The following GPR107 variants were observed in gnomAD, a reference collection of about 807,000 sequenced individuals.
GPR107 encodes protein GPR107.
GPR107 carries 31 observed loss-of-function variants against 75.5 expected under a neutral mutation model. The observed-to-expected ratio is 0.41, with a 90% CI of 0.31 to 0.55. GPR107 has a LOEUF of 0.55. Ranked by LOEUF, GPR107 falls within the 20% of genes least tolerant of loss-of-function variation. GPR107 has a pLI of 0.26. For synonymous variants in GPR107, 267 were observed against 251.3 expected (o/e 1.06, Z -0.59); for missense variants, 572 against 665.7 (o/e 0.86, Z 1.55).
At chr9:130,092,455 C>G (rs1830764369) in intron 9 of GPR107, 74 bp downstream of exon 9, 1 of 1,255,620 alleles carries the variant, frequency 8.0e-7, no homozygotes, top group Non-Finnish European at 1.2e-6. Context: ...GCTCCTGAAC[C>G]TGGAGGCAGT....
At chr9:130,085,770 T>TTTTTTTTTTTTTTTTTTTTTTC in intron 6 of GPR107, among the ~76,000 whole-genome samples, 2 of 147,552 alleles carry the variant, frequency 1.4e-5, no homozygotes, top group Non-Finnish European at 3.0e-5. Flanking sequence ...TTTTTTTTTT[T>TTTTTTTTTTTTTTTTTTTTTTC]TGCCGGGGGG....
At chr9:130,118,823 TCTC>T (rs1348629382) in intron 14 of GPR107, among the ~76,000 whole-genome samples, 1 of 152,128 alleles carries the variant, frequency 6.6e-6, no homozygotes, top group Non-Finnish European at 1.5e-5. Context: ...ATAAAGGAAT[TCTC>T]CTCCACATGA....
At chr9:130,124,744 G>A (rs186636084) in intron 14 of GPR107, among the ~76,000 whole-genome samples, 171 bp from the exon 15 acceptor site, 6 of 152,320 alleles carry the variant, frequency 3.9e-5, no homozygotes, top group African/African-American at 1.4e-4. Flanking sequence ...TTTTCCTGGT[G>A]ATTGGAGGAG....
intron 14 of GPR107, among the ~76,000 whole-genome samples, chr9:130,115,967 C>T (rs1831420451): frequency 6.6e-6 from 1 of 152,150 alleles, no homozygotes; most frequent in Non-Finnish European, 1.5e-5. Flanking sequence ...CACCAAAACT[C>T]TCTTGTCATT....
At chr9:130,122,949 G>A (rs190241057) in intron 14 of GPR107, among the ~76,000 whole-genome samples, 3 of 152,154 alleles carry the variant, frequency 2.0e-5, no homozygotes, top group African/African-American at 2.4e-5. Flanking sequence ...AGCTGTGATC[G>A]TGCCACTGCA....
intron 4 of GPR107, among the ~76,000 whole-genome samples, chr9:130,077,813 T>C (rs2132564129): frequency 6.6e-6 from 1 of 152,296 alleles, no homozygotes; most frequent in African/African-American, 2.4e-5. Context: ...ACCTACTTCG[T>C]GATGATGGTA....
intron 14 of GPR107, among the ~76,000 whole-genome samples, chr9:130,109,231 C>T (rs1831235750): frequency 6.6e-6 from 1 of 152,068 alleles, no homozygotes; most frequent in Non-Finnish European, 1.5e-5. Context: ...AATGCAGTGG[C>T]ACGATCTCTG....
intron 14 of GPR107, chr9:130,110,229 TG>T (rs1279705519): frequency 1.6e-6 from 1 of 635,144 alleles, no homozygotes; most frequent in Non-Finnish European, 2.9e-6. Flanking sequence ...GTGCTCTGTC[TG>T]GAGTAGATGG....
chr9:130,128,486 C>A (rs1190329194), intron 16 of GPR107, among the ~76,000 whole-genome samples, 154 bp from the exon 17 acceptor site: 2 of 152,202 alleles, frequency 1.3e-5, no homozygotes, highest in African/African-American at 2.4e-5. Flanking sequence ...CTCGGCAAGT[C>A]TAAGGAAAAT....
rs1564674809 is a variant in GPR107, at chr9:130,101,015, C to T, written c.1014-91C>T. The T allele has an allele frequency of 8.7e-6, 7 of 801,198 alleles. No homozygotes were observed. The East Asian group carries it at 9.8e-5, about 11-fold the overall frequency. 49.6% of individuals were successfully genotyped at this position (801,198 alleles called of 1,614,324 possible). Reference sequence around the variant, plus strand: ...TTGGCTGCCCGTCTTTTGTAAGAAGCTTGTGAACTCATAGAATGAGCTATG... The same window carrying T: ...TTGGCTGCCCGTCTTTTGTAAGAAGTTTGTGAACTCATAGAATGAGCTATG... On this transcript the variant is annotated intron_variant, in intron 11 of 17. Transcript: ENST00000347136.
rs1041928200 is a variant in GPR107, at chr9:130,079,642, G to A, written c.399G>A (p.Lys133=). 3.1e-6 allele frequency: 5 copies of A among 1,613,438 alleles called. No homozygotes were observed. The African/African-American group carries it at 5.3e-5, about 17-fold the overall frequency. ...LDISRSEVRV[K]SPPEAGTQLP... ...TATTTGAATGTAGGGTAAGAGTAAA[G>A]TCTCCACCAGAAGCTGGTACCCAGT... Residue 133 remains lysine, a synonymous_variant, in exon 5 of 18, where the codon AAG becomes AAA. Coordinates refer to ENST00000347136, the MANE Select transcript of GPR107 (RefSeq NM_020960.5).
intron 1 of GPR107, among the ~76,000 whole-genome samples, chr9:130,074,929 A>G (rs1830306406): frequency 1.3e-5 from 2 of 150,848 alleles, no homozygotes; most frequent in African/African-American, 4.9e-5. Context: ...AGTGCCTACT[A>G]GATGCCAGGC....
At chr9:130,104,123 G>A (rs1458761515) in intron 12 of GPR107, among the ~76,000 whole-genome samples, 2 of 152,164 alleles carry the variant, frequency 1.3e-5, no homozygotes, top group Non-Finnish European at 2.9e-5. Flanking sequence ...AAGGCTTAGG[G>A]CTCCAAAGGT....
chr9:130,080,341 A>G (rs1830462504), intron 5 of GPR107, among the ~76,000 whole-genome samples: 1 of 152,138 alleles, frequency 6.6e-6, no homozygotes, highest in African/African-American at 2.4e-5. Flanking sequence ...TTTCCAAATG[A>G]GTTGTGTGGA....
chr9:130,134,885 G>A (rs1387559673), intron 17 of GPR107, 140 bp from the exon 18 acceptor site: 10 of 664,374 alleles, frequency 1.5e-5, no homozygotes, highest in Middle Eastern at 2.4e-4. Flanking sequence ...AGTAAGGAAC[G>A]AACCAGGAAT....
intron 12 of GPR107, among the ~76,000 whole-genome samples, chr9:130,102,166 A>G (rs1157326303): frequency 1.3e-5 from 1 of 78,906 alleles, no homozygotes; most frequent in Non-Finnish European, 2.7e-5. Context: ...AAGGAAAGGA[A>G]TGTGACAGAG....
rs1156435625 is a variant in GPR107 at position 130,137,106 on chromosome 9, T to A, written c.*1985T>A. On this transcript the variant is annotated 3_prime_UTR_variant, in exon 18 of 18. Transcript: ENST00000347136. ...CCTTCCCTCAGAGGGACACATTTGC[T>A]GTTTCTCCCGCAAGCAGATGTTGTG... is the stretch of plus-strand genomic sequence containing the variant. 1 of 152,232 alleles carries A rather than the reference T, an allele frequency of 6.6e-6. No homozygotes were observed. Among genetic ancestry groups the A allele is most frequent in the Non-Finnish European group, 1.5e-5 (1 of 68,036 alleles). The allele number at this position is 152,232 out of a possible 1,614,324, so 9.4% of individuals were successfully genotyped here. A position where few individuals can be genotyped will look rare whatever the true frequency, so the allele number is the denominator to read the frequency against.
In GPR107 at chr9:130,092,231, T is replaced by C. The variant is rs758839262; in HGVS notation, c.730-17T>C. ...TATGTTTCTGAAAAGTAAAAATTAA[T>C]TTCATGCTGGTTTCAGATTGAGATC... On this transcript the variant is annotated splice_polypyrimidine_tract_variant and intron_variant, in intron 8 of 17. Transcript: ENST00000347136. The C allele has an allele frequency of 2.5e-6, 4 of 1,604,974 alleles. No homozygotes were observed. In the East Asian group the frequency reaches 8.9e-5, roughly 36 times the overall value.
intron 1 of GPR107, among the ~76,000 whole-genome samples, chr9:130,064,352 C>T (rs1046499727): frequency 5.3e-5 from 8 of 150,538 alleles, no homozygotes; most frequent in South Asian, 2.1e-4. Context: ...CGCCCGCCAC[C>T]GCGCCCGGCT....
Sources: allele counts gnomAD v4.1 joint callset (sites outside exome capture counted in the v4.1 genomes callset), GRCh38; gene constraint gnomAD v4.1.1; transcripts MANE v1.5; gene names NCBI Gene and HGNC (gene_info 2026-07-23, HGNC 2026-07-21).